The following EXT1 variants were observed in gnomAD, a reference collection of about 807,000 sequenced individuals.
EXT1 encodes the protein exostosin-1.
In EXT1, 20 loss-of-function variants were observed where a neutral mutation model predicts 82.5. The observed-to-expected ratio is 0.24, with a 90% CI of 0.17 to 0.35. EXT1 has a LOEUF of 0.35. Among genes scored for constraint, EXT1 ranks in the 10% least tolerant of loss-of-function variants. The pLI is 1.00. For synonymous variants in EXT1, 348 were observed against 350.8 expected (o/e 0.99, Z 0.09); for missense variants, 757 against 936.5 (o/e 0.81, Z 2.50).
intron 1 of EXT1, among the ~76,000 whole-genome samples, chr8:118,103,007 G>A (rs1817749577): frequency 6.6e-6 from 1 of 152,132 alleles, no homozygotes. Flanking sequence ...TACAAAATTA[G>A]CCGAGTGTGG....
intron 1 of EXT1, among the ~76,000 whole-genome samples, chr8:118,031,852 A>G (rs142212486): frequency 7.8e-4 from 118 of 152,234 alleles, no homozygotes; most frequent in African/African-American, 2.7e-3. Flanking sequence ...TTAAATTTTC[A>G]GGAATTTTAC....
chr8:117,957,712 C>A (rs963895703), intron 1 of EXT1, among the ~76,000 whole-genome samples: 9 of 152,200 alleles, frequency 5.9e-5, no homozygotes, highest in African/African-American at 2.2e-4. Context: ...TTTCATGGGG[C>A]ATTCAAACGT....
chr8:118,045,686 A>G (rs1816611635), intron 1 of EXT1, among the ~76,000 whole-genome samples: 1 of 151,624 alleles, frequency 6.6e-6, no homozygotes, highest in Admixed American at 6.6e-5. Context: ...GCCACCACAT[A>G]TACATAATAC....
At chr8:117,811,242 T>A (rs1823318301) in intron 8 of EXT1, among the ~76,000 whole-genome samples, 1 of 152,208 alleles carries the variant, frequency 6.6e-6, no homozygotes, top group African/African-American at 2.4e-5. Flanking sequence ...CAAAGAAATC[T>A]CTCAATAAAT....
At chr8:117,960,519 G>A (rs969406427) in intron 1 of EXT1, among the ~76,000 whole-genome samples, 1 of 152,148 alleles carries the variant, frequency 6.6e-6, no homozygotes, top group Non-Finnish European at 1.5e-5. Flanking sequence ...AGATTGGATA[G>A]AGAAACAAAT....
At chr8:118,090,915 G>T (rs997571841) in intron 1 of EXT1, among the ~76,000 whole-genome samples, 2 of 151,192 alleles carry the variant, frequency 1.3e-5, no homozygotes, top group Admixed American at 1.3e-4. Flanking sequence ...TGTACCACAG[G>T]TGGTTGGCTG....
intron 1 of EXT1, among the ~76,000 whole-genome samples, chr8:118,006,680 T>G (rs556386980): frequency 2.6e-5 from 4 of 152,340 alleles, no homozygotes; most frequent in South Asian, 4.1e-4. Flanking sequence ...CTAAACTGTC[T>G]GAATCTCATT....
chr8:117,835,637 T>C lies in EXT1; in HGVS notation c.1057-86A>G. ...AGAGGTGAAATCAGTACAAACTCAA[T>C]GACTGGCATTTTTGACACTGCATGA... On this transcript the variant is annotated intron_variant, in intron 2 of 10. Transcript: ENST00000378204. 2.2e-5 allele frequency: 22 copies of C among 1,002,530 alleles called. 1 individual carries two copies. In the South Asian group the frequency reaches 2.7e-4, roughly 12 times the overall value. 62.1% of individuals were successfully genotyped at this position (1,002,530 alleles called of 1,614,324 possible).
intron 1 of EXT1, among the ~76,000 whole-genome samples, chr8:117,837,480 CT>C (rs1396702611): frequency 6.6e-6 from 1 of 152,152 alleles, no homozygotes; most frequent in Non-Finnish European, 1.5e-5. Flanking sequence ...TTTGCCCAGT[CT>C]TTGCTTCCAA....
At chr8:118,074,878 A>C (rs1395032064) in intron 1 of EXT1, among the ~76,000 whole-genome samples, 2 of 152,216 alleles carry the variant, frequency 1.3e-5, no homozygotes, top group Admixed American at 1.3e-4. Flanking sequence ...CTCTGGGCAA[A>C]TTGGAAGGAA....
At chr8:117,940,125 G>A (rs572878081) in intron 1 of EXT1, among the ~76,000 whole-genome samples, 2 of 152,338 alleles carry the variant, frequency 1.3e-5, no homozygotes, top group African/African-American at 4.8e-5. Context: ...TTTACCAACT[G>A]TCAGATTCTG....
intron 1 of EXT1, among the ~76,000 whole-genome samples, chr8:117,865,260 C>T (rs1052451975): frequency 1.8e-4 from 28 of 152,164 alleles, no homozygotes; most frequent in Non-Finnish European, 1.5e-4. Flanking sequence ...CTTGACCTCC[C>T]GGTCTCAAGC....
intron 1 of EXT1, among the ~76,000 whole-genome samples, chr8:118,021,499 A>G (rs1014185012): frequency 2.6e-5 from 4 of 152,262 alleles, no homozygotes; most frequent in African/African-American, 9.6e-5. Context: ...GTACTGAGAT[A>G]TAAGCACTGT....
At chr8:117,976,125 G>A (rs1167649832) in intron 1 of EXT1, among the ~76,000 whole-genome samples, 1 of 152,036 alleles carries the variant, frequency 6.6e-6, no homozygotes, top group East Asian at 1.9e-4. Flanking sequence ...AGCTATTTAG[G>A]CCCATATTAG....
chr8:117,887,413 A>T (rs1316721925), intron 1 of EXT1, among the ~76,000 whole-genome samples: 2 of 152,148 alleles, frequency 1.3e-5, no homozygotes, highest in Admixed American at 1.3e-4. Context: ...GTGCAGTGGC[A>T]CGATCTCATT....
In EXT1 at chr8:117,831,695, GA is replaced by G. The variant is rs144726126; in HGVS notation, c.1165-1347del. 1,952 of 470,788 alleles carry G rather than the reference GA, an allele frequency of 4.1e-3. 29 individuals are homozygous for G. The highest frequency in any genetic ancestry group is 0.035 in the African/African-American group (1,779 of 50,178). 29.2% of individuals were successfully genotyped at this position (470,788 alleles called of 1,614,324 possible). ...AATGCTCCGTTAGCTGCTTTAATAG[GA>G]AAGTCACCCATGGCATTTGACTAAG... On this transcript the variant is annotated intron_variant, in intron 3 of 10. Coordinates refer to ENST00000378204, the MANE Select transcript of EXT1 (RefSeq NM_000127.3).
At chr8:118,085,869 G>A (rs1817408902) in intron 1 of EXT1, among the ~76,000 whole-genome samples, 1 of 152,094 alleles carries the variant, frequency 6.6e-6, no homozygotes, top group South Asian at 2.1e-4. Flanking sequence ...TATTTTAAAG[G>A]AACATTTCAA....
rs1015780570 is a variant in EXT1 at position 117,804,662 on chromosome 8, A to C, written c.2055+60T>G. The stretch of plus-strand genomic sequence containing the variant: ...AACAGCTAGAGGAACGTGAGTCCTC[A>C]TTACCTGGGGCTGAACCACCAGTGA... On this transcript the variant is annotated intron_variant, in intron 10 of 10. Coordinates refer to ENST00000378204, the MANE Select transcript of EXT1 (RefSeq NM_000127.3). The C allele has an allele frequency of 1.7e-5, 27 of 1,599,276 alleles. No individual in the cohort carries two copies. The African/African-American group carries it at 2.9e-4, about 17-fold the overall frequency.
At chr8:118,109,935 A>T in intron 1 of EXT1, 150 bp downstream of exon 1, 1 of 1,275,850 alleles carries the variant, frequency 7.8e-7, no homozygotes, top group Non-Finnish European at 1.1e-6. Context: ...CTAGCTGCAC[A>T]CCCGAACCGG....
Sources: gnomAD v4.1 joint callset for allele counts (sites outside exome capture counted in the v4.1 genomes callset) on GRCh38, gnomAD v4.1.1 for gene constraint, MANE v1.5 for transcripts, NCBI Gene and HGNC (gene_info 2026-07-23, HGNC 2026-07-21) for gene names.